The following THAP4 variants were observed in gnomAD, a reference collection of about 807,000 sequenced individuals.
The protein encoded by THAP4 is THAP domain containing 4.
In THAP4, 18 loss-of-function variants were observed where a neutral mutation model predicts 48.1. That is an observed-to-expected ratio of 0.37 (90% CI 0.26 to 0.56). The LOEUF is 0.56. Ranked by LOEUF, THAP4 falls within the 20% of genes least tolerant of loss-of-function variation. THAP4 has a pLI of 0.78. For missense variants in THAP4, 656 were observed against 774.9 expected (o/e 0.85, Z 1.82); for synonymous variants, 345 against 324.9 (o/e 1.06, Z -0.66).
At chr2:241,617,034 G>C (rs1183395301) in intron 2 of THAP4, among the ~76,000 whole-genome samples, 1 of 152,152 alleles carries the variant, frequency 6.6e-6, no homozygotes, top group African/African-American at 2.4e-5. Context: ...CCTCCTTGTT[G>C]TCACTGAAGC....
intron 2 of THAP4, among the ~76,000 whole-genome samples, chr2:241,614,083 G>A (rs2067310188): frequency 6.6e-6 from 1 of 151,922 alleles, no homozygotes; most frequent in South Asian, 2.1e-4. Context: ...GCGCCCAGGA[G>A]GTTGAGGCTG....
intron 5 of THAP4, among the ~76,000 whole-genome samples, chr2:241,587,372 C>T (rs1212999159): frequency 6.6e-6 from 1 of 152,210 alleles, no homozygotes; most frequent in Non-Finnish European, 1.5e-5. Flanking sequence ...TCACCAGCAC[C>T]TCCTCTCTCC....
rs1436323405 is a variant in THAP4, at chr2:241,612,208, G to A, written c.1241-5735C>T. ...GTGGAGATTGGAAGCAGCACAGGGA[G>A]AAACAAACACCGGGAAACACAGCGG... On this transcript the variant is annotated intron_variant, in intron 2 of 5. Transcript: ENST00000407315. The surrounding 1 kb of genome is among the most constrained non-coding windows in gnomAD (Gnocchi z 4.1). Among the ~76,000 whole-genome samples the A allele has an allele frequency of 6.6e-6, 1 of 152,032 alleles. No homozygotes were observed. Among genetic ancestry groups the A allele is most frequent in the Non-Finnish European group, 1.5e-5 (1 of 67,998 alleles).
At chr2:241,592,755 A>C (rs1386023885) in intron 5 of THAP4, among the ~76,000 whole-genome samples, 3 of 152,228 alleles carry the variant, frequency 2.0e-5, no homozygotes, top group African/African-American at 4.8e-5. Flanking sequence ...CTGCATCCAC[A>C]TGCAGACACC....
At chr2:241,628,173 G>A (rs2067516548) in intron 2 of THAP4, among the ~76,000 whole-genome samples, 1 of 151,922 alleles carries the variant, frequency 6.6e-6, no homozygotes, top group African/African-American at 2.4e-5. Flanking sequence ...ACCCAGCACA[G>A]CAAGTCACCC....
intron 2 of THAP4, among the ~76,000 whole-genome samples, chr2:241,623,256 C>A (rs1057250572): frequency 4.6e-5 from 7 of 151,770 alleles, no homozygotes; most frequent in African/African-American, 1.2e-4. Flanking sequence ...AACAAAAAAA[C>A]CCCACTTTGA....
chr2:241,609,920 G>A (rs185199982), intron 2 of THAP4, among the ~76,000 whole-genome samples: 158 of 152,358 alleles, frequency 1.0e-3, no homozygotes, highest in Middle Eastern at 3.4e-3. Context: ...ACTTCCACTG[G>A]TGAGCGCAGC....
intron 2 of THAP4, among the ~76,000 whole-genome samples, chr2:241,629,716 A>G (rs2125097732): frequency 6.6e-6 from 1 of 151,992 alleles, no homozygotes; most frequent in South Asian, 2.1e-4. Flanking sequence ...CGGGACAAAA[A>G]GGAGTTTCTT....
rs182582418 is a variant in THAP4, at chr2:241,584,791, C to T, written c.1615-66G>A. 28 of 1,587,956 alleles carry T rather than the reference C, an allele frequency of 1.8e-5. No homozygotes were observed. The African/African-American group carries it at 2.0e-4, about 11-fold the overall frequency. ...TCAAAAGATTCAATCAATGCCTGTG[C>T]GCCCACTGCATGCCACACACTCATC... On this transcript the variant is annotated intron_variant, in intron 5 of 5. Coordinates refer to ENST00000407315, the MANE Select transcript of THAP4 (RefSeq NM_015963.6).
At chr2:241,602,713 T>C (rs2067129977) in intron 4 of THAP4, among the ~76,000 whole-genome samples, 1 of 152,248 alleles carries the variant, frequency 6.6e-6, no homozygotes, top group Non-Finnish European at 1.5e-5. Flanking sequence ...TGGCCATTTC[T>C]GCAGACGTGG....
In THAP4 at chr2:241,615,727, G is replaced by A. The variant is rs530175381; in HGVS notation, c.1241-9254C>T. Among the ~76,000 whole-genome samples the A allele has an allele frequency of 5.9e-5, 9 of 152,302 alleles. No homozygotes were observed. The East Asian group carries it at 7.7e-4, about 13-fold the overall frequency. On this transcript the variant is annotated intron_variant, in intron 2 of 5. Transcript: ENST00000407315. ...AGAGAGGGCTGGAGCCACACACAGC[G>A]CCCTGCCCGGTGCCTCTCACCTCCC...
chr2:241,616,595 G>A lies in THAP4; in HGVS notation c.1241-10122C>T, dbSNP rs2125087989. ...GGCGGCTGCTGCTTCAGGGGCACAG[G>A]GCCCACACCACACTTGGGGACAGGA... On this transcript the variant is annotated intron_variant, in intron 2 of 5. Coordinates refer to ENST00000407315, the MANE Select transcript of THAP4 (RefSeq NM_015963.6). This position sits in a 1 kb window ranked among gnomAD's most constrained non-coding sequence, Gnocchi z 4.6. Among the ~76,000 whole-genome samples the A allele has an allele frequency of 6.6e-6, 1 of 152,268 alleles. No individual in the cohort carries two copies. Among genetic ancestry groups the A allele is most frequent in the Admixed American group, 6.5e-5 (1 of 15,294 alleles).
intron 2 of THAP4, among the ~76,000 whole-genome samples, chr2:241,632,289 T>G (rs1458097455): frequency 1.3e-5 from 2 of 152,136 alleles, no homozygotes; most frequent in African/African-American, 4.8e-5. Flanking sequence ...TATGTTTTTG[T>G]ATGTTTCACC....
chr2:241,627,909 G>A (rs575460860), intron 2 of THAP4, among the ~76,000 whole-genome samples: 1 of 151,972 alleles, frequency 6.6e-6, no homozygotes, highest in African/African-American at 2.4e-5. Flanking sequence ...CCAGAGCCTG[G>A]CCCTTCACAG....
chr2:241,593,495 G>A (rs1386595610), intron 5 of THAP4, among the ~76,000 whole-genome samples: 1 of 152,170 alleles, frequency 6.6e-6, no homozygotes, highest in Non-Finnish European at 1.5e-5. Flanking sequence ...GAAATGAGAC[G>A]CACACGGGGA....
intron 5 of THAP4, among the ~76,000 whole-genome samples, chr2:241,592,960 T>C (rs1393613610): frequency 6.6e-6 from 1 of 152,186 alleles, no homozygotes; most frequent in Non-Finnish European, 1.5e-5. Context: ...AAGGAAAAGC[T>C]GGCCAGGCAC....
At chr2:241,624,811 A>G (rs1275027874) in intron 2 of THAP4, among the ~76,000 whole-genome samples, 2 of 152,196 alleles carry the variant, frequency 1.3e-5, no homozygotes, top group African/African-American at 2.4e-5. Flanking sequence ...GAGCCCCCCA[A>G]GAATCACTTT....
chr2:241,621,952 A>C (rs2067433581), intron 2 of THAP4, among the ~76,000 whole-genome samples: 1 of 152,172 alleles, frequency 6.6e-6, no homozygotes, highest in African/African-American at 2.4e-5. Flanking sequence ...AAAAAAAAAA[A>C]CCAAACCAAA....
At chr2:241,624,914 C>T (rs768157689) in intron 2 of THAP4, among the ~76,000 whole-genome samples, 1 of 152,142 alleles carries the variant, frequency 6.6e-6, no homozygotes, top group African/African-American at 2.4e-5. Flanking sequence ...CCATTTTGCT[C>T]AGGAGACGAC....
Sources: gnomAD v4.1 joint callset for allele counts (sites outside exome capture counted in the v4.1 genomes callset) on GRCh38, gnomAD v4.1.1 for gene constraint, Gnocchi (gnomAD v3.1) non-coding constraint, MANE v1.5 for transcripts, NCBI Gene and HGNC (gene_info 2026-07-23, HGNC 2026-07-21) for gene names.